The following KIRREL3 variants were observed in gnomAD, a reference collection of about 807,000 sequenced individuals.
KIRREL3 encodes the protein kin of IRRE-like protein 3.
Under a neutral mutation model 89.7 loss-of-function variants are expected in KIRREL3, and 36 were observed. The observed-to-expected ratio is 0.40, with a 90% CI of 0.31 to 0.53. The LOEUF is 0.53. Among genes scored for constraint, KIRREL3 ranks in the 20% least tolerant of loss-of-function variants. KIRREL3 has a pLI of 0.49. For missense variants in KIRREL3, 864 were observed against 1,056.6 expected (o/e 0.82, Z 2.53); for synonymous variants, 445 against 441.4 (o/e 1.01, Z -0.10).
rs186252717 is a variant in KIRREL3 at position 126,449,541 on chromosome 11, C to T, written c.849-384G>A. 4.8e-3 allele frequency among the ~76,000 whole-genome samples: 724 copies of T among 152,314 alleles called. 4 individuals are homozygous for T. The highest frequency in any genetic ancestry group is 0.017 in the African/African-American group (698 of 41,576). ...TCCTGCTCTGAGCTGGATCATGGGCCCCTTTGGAAAAGAAGGAGGCCAAGT... is the reference window on the plus strand; with the variant it reads ...TCCTGCTCTGAGCTGGATCATGGGCTCCTTTGGAAAAGAAGGAGGCCAAGT... On this transcript the variant is annotated intron_variant, in intron 7 of 16. Transcript: ENST00000525144.
rs1407660235 is a variant in KIRREL3 at position 126,686,641 on chromosome 11, G to A, written c.56-123729C>T. Among the ~76,000 whole-genome samples, 7 of 152,254 alleles carry A rather than the reference G, an allele frequency of 4.6e-5. No homozygotes were observed. The highest frequency in any genetic ancestry group is 2.1e-4 in the South Asian group (1 of 4,820). On this transcript the variant is annotated intron_variant, in intron 1 of 16. Transcript: ENST00000525144. The surrounding 1 kb of genome is among the most constrained non-coding windows in gnomAD (Gnocchi z 4.7). ...GTGGCACAGGCTGGAGTGCAGTGGC[G>A]TGATCTTGGCTCACTGCAACCTCGG...
chr11:126,684,752 C>T lies in KIRREL3; in HGVS notation c.56-121840G>A, dbSNP rs1303798372. Among the ~76,000 whole-genome samples, 1 of 152,152 alleles carries T rather than the reference C, an allele frequency of 6.6e-6. No individual in the cohort carries two copies. The highest frequency in any genetic ancestry group is 1.5e-5 in the Non-Finnish European group (1 of 68,006). ...TTGTAAAGGCCACCTAATCACTTTG[C>T]TTTGGTATTCATTAGTCATTTAACA... On this transcript the variant is annotated intron_variant, in intron 1 of 16. Coordinates refer to ENST00000525144, the MANE Select transcript of KIRREL3 (RefSeq NM_032531.4). The surrounding 1 kb of genome is among the most constrained non-coding windows in gnomAD (Gnocchi z 4.2).
In KIRREL3 at chr11:126,909,130, T is replaced by G. The variant is rs1163112888; in HGVS notation, c.55+91325A>C. Among the ~76,000 whole-genome samples, 2 of 152,114 alleles carry G rather than the reference T, an allele frequency of 1.3e-5. No homozygotes were observed. The highest frequency in any genetic ancestry group is 2.4e-5 in the African/African-American group (1 of 41,408). ...GGCGACACAGGGGGCCAACTGTAATTGCAATCTGAATGACCACCATGAAGA... is the reference window on the plus strand; with the variant it reads ...GGCGACACAGGGGGCCAACTGTAATGGCAATCTGAATGACCACCATGAAGA... On this transcript the variant is annotated intron_variant, in intron 1 of 16. Transcript: ENST00000525144. The surrounding 1 kb of genome is among the most constrained non-coding windows in gnomAD (Gnocchi z 4.5).
chr11:126,871,243 C>T (rs1945098237), intron 1 of KIRREL3, among the ~76,000 whole-genome samples: 1 of 152,170 alleles, frequency 6.6e-6, no homozygotes, highest in South Asian at 2.1e-4. Flanking sequence ...GTGACTCCCC[C>T]TCACCGCTCA....
chr11:126,619,555 A>C (rs1348601716), intron 1 of KIRREL3, among the ~76,000 whole-genome samples: 1 of 152,232 alleles, frequency 6.6e-6, no homozygotes, highest in Admixed American at 6.5e-5. Flanking sequence ...TCTCTCTTCT[A>C]CTGATCAAAG....
In KIRREL3 at chr11:126,555,798, T is replaced by C. The variant is rs1270588019; in HGVS notation, c.133+7037A>G. Among the ~76,000 whole-genome samples, 3 of 151,442 alleles carry C rather than the reference T, an allele frequency of 2.0e-5. No homozygotes were observed. The highest frequency in any genetic ancestry group is 4.4e-5 in the Non-Finnish European group (3 of 67,934). The stretch of plus-strand genomic sequence containing the variant: ...CTCTATCACTCAGGCTGGAGTGCAG[T>C]GGCACGATCTCGGCTCACTGCAACC... On this transcript the variant is annotated intron_variant, in intron 2 of 16. Coordinates refer to ENST00000525144, the MANE Select transcript of KIRREL3 (RefSeq NM_032531.4). The surrounding 1 kb of genome is among the most constrained non-coding windows in gnomAD (Gnocchi z 4.2).
intron 1 of KIRREL3, among the ~76,000 whole-genome samples, chr11:126,849,584 T>C (rs190592578): frequency 2.5e-3 from 388 of 152,260 alleles, no homozygotes; most frequent in Non-Finnish European, 4.0e-3. Flanking sequence ...GGCTTTCTAT[T>C]TCTCCTGTCC....
At position 126,601,585 on chromosome 11, in the gene KIRREL3, T is replaced by G. The variant is rs1197590796; in HGVS notation, c.56-38673A>C. Among the ~76,000 whole-genome samples, 1 of 152,226 alleles carries G rather than the reference T, an allele frequency of 6.6e-6. No homozygotes were observed. Among genetic ancestry groups the G allele is most frequent in the Non-Finnish European group, 1.5e-5 (1 of 68,042 alleles). ...AGATAGATGGCTGTAAACAGAAGTCTTCTACCTCAACACTCCGCCAGGTTT... is the reference window on the plus strand; with the variant it reads ...AGATAGATGGCTGTAAACAGAAGTCGTCTACCTCAACACTCCGCCAGGTTT... On this transcript the variant is annotated intron_variant, in intron 1 of 16. Transcript: ENST00000525144. The surrounding 1 kb of genome is among the most constrained non-coding windows in gnomAD (Gnocchi z 5.8).
chr11:126,635,930 T>C lies in KIRREL3; in HGVS notation c.56-73018A>G, dbSNP rs973270489. 6.6e-6 allele frequency among the ~76,000 whole-genome samples: 1 copy of C among 152,170 alleles called. No homozygotes were observed. Among genetic ancestry groups the C allele is most frequent in the Non-Finnish European group, 1.5e-5 (1 of 68,032 alleles). ...ATTCTAGGGAACAACTTGGTTATTT[T>C]TGGGTCATGGGCAGGGCCAGCAGGC... On this transcript the variant is annotated intron_variant, in intron 1 of 16. Coordinates refer to ENST00000525144, the MANE Select transcript of KIRREL3 (RefSeq NM_032531.4). The surrounding 1 kb of genome is among the most constrained non-coding windows in gnomAD (Gnocchi z 4.0).
rs2134640579 is a variant in KIRREL3, at chr11:126,574,723, G to C, written c.56-11811C>G. On this transcript the variant is annotated intron_variant, in intron 1 of 16. Coordinates refer to ENST00000525144, the MANE Select transcript of KIRREL3 (RefSeq NM_032531.4). The surrounding 1 kb of genome is among the most constrained non-coding windows in gnomAD (Gnocchi z 5.3). ...GAGAAAGGGAAGGAATTCCAGACTTGAGATGGCTCCTTAGACTTAAATCTC... is the reference window on the plus strand; with the variant it reads ...GAGAAAGGGAAGGAATTCCAGACTTCAGATGGCTCCTTAGACTTAAATCTC... Among the ~76,000 whole-genome samples, 2 of 152,312 alleles carry C rather than the reference G, an allele frequency of 1.3e-5. No homozygotes were observed. Among genetic ancestry groups the C allele is most frequent in the Middle Eastern group, 3.4e-3 (1 of 294 alleles).
chr11:126,832,192 A>C (rs534062886), intron 1 of KIRREL3, among the ~76,000 whole-genome samples: 6 of 152,180 alleles, frequency 3.9e-5, no homozygotes, highest in Non-Finnish European at 5.9e-5. Context: ...ACAGCACATA[A>C]GGATGATCCT....
intron 1 of KIRREL3, among the ~76,000 whole-genome samples, chr11:126,582,519 T>C (rs1660979042): frequency 1.3e-5 from 2 of 152,166 alleles, no homozygotes; most frequent in Admixed American, 6.5e-5. Flanking sequence ...TTTCGGCAGA[T>C]GCAAAAATCT....
At chr11:126,937,668 G>A (rs1948253697) in intron 1 of KIRREL3, among the ~76,000 whole-genome samples, 1 of 151,828 alleles carries the variant, frequency 6.6e-6, no homozygotes, top group Non-Finnish European at 1.5e-5. Flanking sequence ...TGGAGGCCAA[G>A]GCGGGTGGAT....
In KIRREL3 at chr11:126,428,111, C is replaced by T. The variant is rs1044021961; in HGVS notation, c.1806+1068G>A. 1.3e-5 allele frequency among the ~76,000 whole-genome samples: 2 copies of T among 152,218 alleles called. No individual in the cohort carries two copies. Among genetic ancestry groups the T allele is most frequent in the Non-Finnish European group, 2.9e-5 (2 of 68,042 alleles). ...CTAGCAACATAAACCGCTAATATTT[C>T]TTGAGCACTTATTGTGTTCCATGGG... On this transcript the variant is annotated intron_variant, in intron 15 of 16. Coordinates refer to ENST00000525144, the MANE Select transcript of KIRREL3 (RefSeq NM_032531.4). The surrounding 1 kb of genome is among the most constrained non-coding windows in gnomAD (Gnocchi z 6.4).
chr11:126,611,900 T>C lies in KIRREL3; in HGVS notation c.56-48988A>G, dbSNP rs1943146033. On this transcript the variant is annotated intron_variant, in intron 1 of 16. Transcript: ENST00000525144. This position sits in a 1 kb window ranked among gnomAD's most constrained non-coding sequence, Gnocchi z 4.7. ...GTCGCTCTAGGACCTGCCGATGCCC[T>C]CTGTCCTTCTCTGGTGACTTTGTCC... 6.6e-6 allele frequency among the ~76,000 whole-genome samples: 1 copy of C among 152,200 alleles called. No homozygotes were observed. Among genetic ancestry groups the C allele is most frequent in the Non-Finnish European group, 1.5e-5 (1 of 68,030 alleles).
At chr11:126,602,698 T>G in intron 1 of KIRREL3, among the ~76,000 whole-genome samples, 1 of 152,202 alleles carries the variant, frequency 6.6e-6, no homozygotes, top group Non-Finnish European at 1.5e-5. Context: ...CCGCATCACC[T>G]GGGCCAGGCT....
At chr11:126,542,674 G>T (rs956547399) in intron 2 of KIRREL3, among the ~76,000 whole-genome samples, 5 of 152,134 alleles carry the variant, frequency 3.3e-5, no homozygotes, top group Non-Finnish European at 7.4e-5. Flanking sequence ...ATCTAGGAAG[G>T]GAGGGGGATA....
chr11:126,564,443 G>A lies in KIRREL3; in HGVS notation c.56-1531C>T, dbSNP rs1340605972. 6.6e-6 allele frequency among the ~76,000 whole-genome samples: 1 copy of A among 152,126 alleles called. No homozygotes were observed. Among genetic ancestry groups the A allele is most frequent in the Non-Finnish European group, 1.5e-5 (1 of 68,022 alleles). ...AACGCCACGGCCCAGGGAGGTCCCTGGCTTTGATCTCCTGATTCTTTAAAG... is the reference window on the plus strand; with the variant it reads ...AACGCCACGGCCCAGGGAGGTCCCTAGCTTTGATCTCCTGATTCTTTAAAG... On this transcript the variant is annotated intron_variant, in intron 1 of 16. Transcript: ENST00000525144. The surrounding 1 kb of genome is among the most constrained non-coding windows in gnomAD (Gnocchi z 7.4).
chr11:126,762,170 C>CTAAATAAATAAATAA lies in KIRREL3; in HGVS notation c.56-199259_56-199258insTTATTTATTTATTTA, dbSNP rs67128868. ...AGCTTGGGTGACAGAGTGAGACTGTCATAAATAAATAAATAAATAAATAAA... is the reference window on the plus strand; with the variant it reads ...AGCTTGGGTGACAGAGTGAGACTGTCTAAATAAATAAATAAATAAATAAATAAATAAATAAATAAA... On this transcript the variant is annotated intron_variant, in intron 1 of 16. Transcript: ENST00000525144. Among the ~76,000 whole-genome samples the CTAAATAAATAAATAA allele has an allele frequency of 6.7e-3, 1,019 of 151,272 alleles. 8 individuals carry two copies. The highest frequency in any genetic ancestry group is 0.011 in the East Asian group (57 of 5,158).
Sources: gnomAD v4.1 joint callset for allele counts (sites outside exome capture counted in the v4.1 genomes callset) on GRCh38, gnomAD v4.1.1 for gene constraint, Gnocchi (gnomAD v3.1) non-coding constraint, MANE v1.5 for transcripts, NCBI Gene and HGNC (gene_info 2026-07-23, HGNC 2026-07-21) for gene names.